KALRN: variants seen among roughly 807,000 people sequenced by gnomAD.
KALRN encodes the protein kalirin.
A neutral mutation model predicts 353.7 loss-of-function variants in KALRN; 70 were observed. The observed-to-expected ratio is 0.20, with a 90% CI of 0.16 to 0.24. The LOEUF is 0.24. Among genes scored for constraint, KALRN ranks in the 10% least tolerant of loss-of-function variants. KALRN has a pLI of 1.00. For synonymous variants in KALRN, 1,391 were observed against 1,434.8 expected, an observed-to-expected ratio of 0.97 and a Z score of 0.69; for missense variants, 2,791 against 3,756.7, an observed-to-expected ratio of 0.74 and a Z score of 6.72.
At chr3:124,694,133 C>T (rs1212655715) in intron 52 of KALRN, among the ~76,000 whole-genome samples, 199 bp from the exon 53 acceptor site, 1 of 152,094 alleles carries the variant, frequency 6.6e-6, no homozygotes, top group Non-Finnish European at 1.5e-5. Flanking sequence ...TTTATATTTC[C>T]TATTTTTTTC....
At chr3:124,061,842 C>T (rs1361798641) in intron 1 of KALRN, among the ~76,000 whole-genome samples, 12 of 152,164 alleles carry the variant, frequency 7.9e-5, no homozygotes, top group South Asian at 6.2e-4. Flanking sequence ...ACAGTCCACA[C>T]GGTGCAGCTG....
At chr3:124,536,088 C>A (rs1268713810) in intron 33 of KALRN, among the ~76,000 whole-genome samples, 1 of 151,928 alleles carries the variant, frequency 6.6e-6, no homozygotes, top group Non-Finnish European at 1.5e-5. Context: ...TAGTCTTTTA[C>A]TGGGTAACAA....
intron 1 of KALRN, among the ~76,000 whole-genome samples, chr3:124,091,274 G>A (rs975802510): frequency 3.3e-5 from 5 of 152,162 alleles, no homozygotes; most frequent in Admixed American, 2.6e-4. Context: ...GTCTGTGGAC[G>A]GTCTTCACTT....
At chr3:124,483,033 A>G in intron 28 of KALRN, 133 bp downstream of exon 28, 6 of 687,628 alleles carry the variant, frequency 8.7e-6, no homozygotes, top group Non-Finnish European at 1.6e-5. Context: ...ACTTCAGCCC[A>G]CACTGGCATC....
chr3:124,447,367 G>C (rs6808971), intron 21 of KALRN, among the ~76,000 whole-genome samples: 1 of 152,120 alleles, frequency 6.6e-6, no homozygotes, highest in South Asian at 2.1e-4. Context: ...CCTCAAACCC[G>C]CTCATGAGCT....
intron 56 of KALRN, among the ~76,000 whole-genome samples, chr3:124,700,996 G>T (rs921941415): frequency 7.2e-5 from 11 of 152,190 alleles, no homozygotes; most frequent in African/African-American, 2.7e-4. Flanking sequence ...TGGATAAGCC[G>T]CCTTCAGTCT....
At position 124,201,267 on chromosome 3, in the gene KALRN, G is replaced by T. The variant is rs192210795; in HGVS notation, c.74-26723G>T. ...TTAAGCCATTATGGTAGAGCTTTCC[G>T]TGACTCTCTGCCAAATCCTAATGTA... On this transcript the variant is annotated intron_variant, in intron 1 of 59. Coordinates refer to ENST00000682506, the MANE Select transcript of KALRN (RefSeq NM_001388419.1). 1.1e-4 allele frequency among the ~76,000 whole-genome samples: 16 copies of T among 152,294 alleles called. No homozygotes were observed. In the East Asian group the frequency reaches 2.1e-3, roughly 20 times the overall value.
intron 1 of KALRN, among the ~76,000 whole-genome samples, chr3:124,149,910 T>C (rs1560083728): frequency 6.6e-6 from 1 of 152,176 alleles, no homozygotes; most frequent in Non-Finnish European, 1.5e-5. Context: ...GTAGACTTGG[T>C]CTCTGTGGCC....
At chr3:124,668,337 A>G (rs2085939420) in intron 47 of KALRN, among the ~76,000 whole-genome samples, 1 of 152,192 alleles carries the variant, frequency 6.6e-6, no homozygotes, top group African/African-American at 2.4e-5. Flanking sequence ...GTGCCATACG[A>G]GTTGAGGACC....
At chr3:124,190,842 A>T (rs2074820370) in intron 1 of KALRN, among the ~76,000 whole-genome samples, 1 of 152,314 alleles carries the variant, frequency 6.6e-6, no homozygotes, top group African/African-American at 2.4e-5. Flanking sequence ...ATTAAATTCA[A>T]TTCTGACATT....
intron 11 of KALRN, among the ~76,000 whole-genome samples, chr3:124,390,390 A>G (rs985363847): frequency 3.3e-5 from 5 of 152,224 alleles, no homozygotes; most frequent in African/African-American, 1.2e-4. Context: ...CACCTTGTGG[A>G]ATCATTCTGC....
At chr3:124,305,920 A>C (rs1044183142) in intron 6 of KALRN, among the ~76,000 whole-genome samples, 24 of 152,206 alleles carry the variant, frequency 1.6e-4, no homozygotes, top group Non-Finnish European at 3.5e-4. Flanking sequence ...CAGTCAATAG[A>C]AATCACCTGT....
At chr3:124,249,140 C>CTTGT (rs1291260381) in intron 3 of KALRN, among the ~76,000 whole-genome samples, 3 of 152,192 alleles carry the variant, frequency 2.0e-5, no homozygotes, top group Non-Finnish European at 4.4e-5. Flanking sequence ...ACACAGGACA[C>CTTGT]TTGTTTAGTT....
At chr3:124,178,941 A>T (rs924241944) in intron 1 of KALRN, among the ~76,000 whole-genome samples, 3 of 152,164 alleles carry the variant, frequency 2.0e-5, no homozygotes, top group African/African-American at 7.2e-5. Flanking sequence ...AGTCTCTATA[A>T]ACATTTTTTT....
Position 124,298,797 on chromosome 3 carries a change from G to C in KALRN, c.976G>C (p.Asp326His). 6.2e-7 allele frequency: 1 copy of C among 1,614,152 alleles called. No homozygotes were observed. Among genetic ancestry groups the C allele is most frequent in the Non-Finnish European group, 8.5e-7 (1 of 1,180,016 alleles). ...GCCTTCTTGTCCTCTCTAGATGTTTGACTGGATAAGCCACAACAAGGAGTT... is the reference window on the plus strand; with the variant it reads ...GCCTTCTTGTCCTCTCTAGATGTTTCACTGGATAAGCCACAACAAGGAGTT... Reference protein sequence around the residue: ...LFEQDAEKMFDWISHNKELFL... With the variant: ...LFEQDAEKMFHWISHNKELFL... Residue 326 changes from aspartate (D) to histidine (H), a missense_variant, in exon 6 of 60, where the codon GAC becomes CAC. Around this residue, in one of 11 missense-constraint regions of KALRN, gnomAD observed 366 missense variants for 489.2 expected, o/e 0.75. Coordinates refer to ENST00000682506, the MANE Select transcript of KALRN (RefSeq NM_001388419.1).
intron 34 of KALRN, among the ~76,000 whole-genome samples, chr3:124,623,373 G>GGTAT (rs1464195329): frequency 1.4e-5 from 2 of 144,980 alleles, no homozygotes; most frequent in East Asian, 4.0e-4. Flanking sequence ...ACTAATAGGA[G>GGTAT]ATATATATAT....
At chr3:124,315,125 C>G (rs2078684312) in intron 6 of KALRN, among the ~76,000 whole-genome samples, 1 of 152,198 alleles carries the variant, frequency 6.6e-6, no homozygotes, top group Non-Finnish European at 1.5e-5. Flanking sequence ...AGTCAAGTAT[C>G]TAAACTACAG....
chr3:124,057,402 G>A (rs990048832), intron 1 of KALRN, among the ~76,000 whole-genome samples: 4 of 152,142 alleles, frequency 2.6e-5, no homozygotes, highest in Admixed American at 2.0e-4. Flanking sequence ...GCCAGAGTCA[G>A]CAAGGGGCCA....
intron 33 of KALRN, among the ~76,000 whole-genome samples, chr3:124,539,450 T>C (rs1243092186): frequency 1.3e-5 from 2 of 152,100 alleles, no homozygotes; most frequent in Non-Finnish European, 2.9e-5. Context: ...ACAATAATTA[T>C]CTAACTTTTG....
Sources: allele counts gnomAD v4.1 joint callset (sites outside exome capture counted in the v4.1 genomes callset), GRCh38; gene constraint gnomAD v4.1.1; regional missense constraint gnomAD v4.1.1; transcripts MANE v1.5; gene names NCBI Gene and HGNC (gene_info 2026-07-23, HGNC 2026-07-21).